TACR3: variants seen among roughly 807,000 people sequenced by gnomAD.
The protein encoded by TACR3 is neuromedin-K receptor.
In TACR3, 34 loss-of-function variants were observed where a neutral mutation model predicts 35.0. The observed-to-expected ratio is 0.97, with a 90% confidence interval of 0.74 to 1.30. The LOEUF is 1.30. Ranked by LOEUF, TACR3 falls within the 50% of genes most tolerant of loss-of-function variation. The probability of loss-of-function intolerance (pLI) is 0.00; values close to 1 mark genes in which losing one functional copy is unlikely to be tolerated. For synonymous variants in TACR3, 233 were observed against 221.1 expected (o/e 1.05, Z -0.48); for missense variants, 558 against 591.7 (o/e 0.94, Z 0.59).
intron 1 of TACR3, among the ~76,000 whole-genome samples, chr4:103,706,791 A>G (rs1232960694): frequency 6.6e-6 from 1 of 152,226 alleles, no homozygotes; most frequent in Admixed American, 6.5e-5. Flanking sequence ...ATGTTTAAGT[A>G]TAAGACTGGG....
chr4:103,598,628 A>G (rs138599125), intron 3 of TACR3, among the ~76,000 whole-genome samples: 75,644 of 151,930 alleles, frequency 0.5, 22,798 homozygotes, highest in Non-Finnish European at 0.64. Flanking sequence ...ATTGATTTTT[A>G]TATAAGGTGT....
chr4:103,667,648 G>T (rs976658835), intron 1 of TACR3, among the ~76,000 whole-genome samples: 8 of 151,958 alleles, frequency 5.3e-5, no homozygotes, highest in Non-Finnish European at 1.2e-4. Flanking sequence ...AAAAATACTA[G>T]TACACTAAAA....
chr4:103,681,961 C>T (rs1390407928), intron 1 of TACR3, among the ~76,000 whole-genome samples: 2 of 152,070 alleles, frequency 1.3e-5, no homozygotes, highest in South Asian at 2.1e-4. Context: ...AGAAAAATTT[C>T]CAAACTTGGA....
chr4:103,620,787 G>A (rs1219164508), intron 3 of TACR3, among the ~76,000 whole-genome samples: 1 of 152,106 alleles, frequency 6.6e-6, no homozygotes, highest in Non-Finnish European at 1.5e-5. Flanking sequence ...TGAGCACTAT[G>A]CTCACACCTG....
chr4:103,589,647 G>T lies in TACR3; in HGVS notation c.*35C>A, dbSNP rs772497467. 1 of 1,610,768 alleles carries T rather than the reference G, an allele frequency of 6.2e-7. No homozygotes were observed. ...TGGGGTCCTAGACTGGCACCATGATGGTCTCACACTAATCTTTTACCTCAG... is the reference window on the plus strand; with the variant it reads ...TGGGGTCCTAGACTGGCACCATGATTGTCTCACACTAATCTTTTACCTCAG... On this transcript the variant is annotated 3_prime_UTR_variant, in exon 5 of 5. Transcript: ENST00000304883.
rs202224331 is a variant in TACR3 at position 103,589,664 on chromosome 4, T to C, written c.*18A>G. 4.3e-5 allele frequency: 70 copies of C among 1,613,454 alleles called. No homozygotes were observed. Among genetic ancestry groups the C allele is most frequent in the Non-Finnish European group, 1.7e-5 (20 of 1,179,634 alleles). On this transcript the variant is annotated 3_prime_UTR_variant, in exon 5 of 5. Transcript: ENST00000304883. The stretch of plus-strand genomic sequence containing the variant: ...ACCATGATGGTCTCACACTAATCTT[T>C]TACCTCAGGAAATGGAATTAAGAAT...
At chr4:103,614,912 T>TTTTTTTTTTTTTTTTTTGG (rs1724606006) in intron 3 of TACR3, among the ~76,000 whole-genome samples, 1 of 132,052 alleles carries the variant, frequency 7.6e-6, no homozygotes, top group East Asian at 2.2e-4. Flanking sequence ...TTTTTTTTTT[T>TTTTTTTTTTTTTTTTTTGG]GAGACAGAGT....
chr4:103,693,428 T>C (rs1193527449), intron 1 of TACR3, among the ~76,000 whole-genome samples: 1 of 152,180 alleles, frequency 6.6e-6, no homozygotes, highest in African/African-American at 2.4e-5. Flanking sequence ...CAAATGGTTG[T>C]TCTGATTTCT....
intron 1 of TACR3, among the ~76,000 whole-genome samples, chr4:103,682,561 C>T (rs1196136989): frequency 6.6e-6 from 1 of 152,124 alleles, no homozygotes; most frequent in Non-Finnish European, 1.5e-5. Context: ...TACCTGGTCC[C>T]TCCCTCGACA....
At chr4:103,631,108 A>G (rs997541561) in intron 3 of TACR3, among the ~76,000 whole-genome samples, 9 of 152,146 alleles carry the variant, frequency 5.9e-5, no homozygotes, top group African/African-American at 2.2e-4. Flanking sequence ...GTTCTCACTC[A>G]TAGGTGGGAA....
In TACR3 at chr4:103,605,925, C is replaced by T. The variant is rs191325532; in HGVS notation, c.889-14242G>A. 6.3e-3 allele frequency among the ~76,000 whole-genome samples: 954 copies of T among 152,174 alleles called. 8 individuals are homozygous for T. The highest frequency in any genetic ancestry group is 0.022 in the African/African-American group (893 of 41,458). The stretch of plus-strand genomic sequence containing the variant: ...ATGCCTATGTACTGAATGGTAATGC[C>T]TAGGTTTTCTTCTAGGGTTTTTATG... On this transcript the variant is annotated intron_variant, in intron 3 of 4. Coordinates refer to ENST00000304883, the MANE Select transcript of TACR3 (RefSeq NM_001059.3).
intron 3 of TACR3, among the ~76,000 whole-genome samples, chr4:103,621,289 C>A (rs17224816): frequency 0.026 from 3,939 of 152,202 alleles, 77 homozygotes; most frequent in Middle Eastern, 0.054. Context: ...CGAATAGTTT[C>A]GCTGAGTGGG....
intron 3 of TACR3, among the ~76,000 whole-genome samples, chr4:103,595,512 C>T (rs567724414): frequency 6.6e-6 from 1 of 152,132 alleles, no homozygotes; most frequent in South Asian, 2.1e-4. Context: ...GATACCATTC[C>T]TTCATGTATC....
chr4:103,703,377 G>C (rs760102625), intron 1 of TACR3, among the ~76,000 whole-genome samples: 31 of 152,148 alleles, frequency 2.0e-4, no homozygotes, highest in Non-Finnish European at 4.0e-4. Flanking sequence ...TTGTGTGAAA[G>C]AATAGCATTT....
rs763892946 is a variant in TACR3 at position 103,719,195 on chromosome 4, G to A, written c.481C>T (p.Gln161Ter). The A allele has an allele frequency of 1.2e-6, 2 of 1,614,172 alleles. No homozygotes were observed. The highest frequency in any genetic ancestry group is 3.3e-5 in the Admixed American group (2 of 60,024). The change falls in exon 1 of 5, where the codon CAG (glutamine) becomes TAG (stop). Residue 161 changes from glutamine to a stop codon, truncating the protein, a stop_gained. Coordinates refer to ENST00000304883, the MANE Select transcript of TACR3 (RefSeq NM_001059.3). LOFTEE classifies it high-confidence loss of function. Reference sequence around the variant, plus strand: ...ACAGCTGTGATAGGAAAGAAGTTCTGGAAGCGGCAGTAGTTGGCGCCAAAG... The same window carrying A: ...ACAGCTGTGATAGGAAAGAAGTTCTAGAAGCGGCAGTAGTTGGCGCCAAAG... ...WYFGANYCRF[Q>*]NFFPITAVFA...
chr4:103,678,632 A>G (rs1379329915), intron 1 of TACR3, among the ~76,000 whole-genome samples: 2 of 152,130 alleles, frequency 1.3e-5, no homozygotes, highest in Admixed American at 6.6e-5. Flanking sequence ...AAATGAAAGC[A>G]TTATTCTAGA....
intron 1 of TACR3, among the ~76,000 whole-genome samples, chr4:103,716,864 T>C (rs1288416279): frequency 1.3e-5 from 2 of 152,214 alleles, no homozygotes; most frequent in African/African-American, 4.8e-5. Flanking sequence ...AATTGTAGTC[T>C]AAATTGGGAA....
chr4:103,627,016 T>TAA (rs1395603794), intron 3 of TACR3, among the ~76,000 whole-genome samples: 1 of 140,168 alleles, frequency 7.1e-6, no homozygotes, highest in African/African-American at 2.8e-5. Context: ...CTGTGAAAAA[T>TAA]AAATAAAAAA....
intron 1 of TACR3, among the ~76,000 whole-genome samples, chr4:103,668,653 G>A (rs1243167866): frequency 6.6e-6 from 1 of 151,974 alleles, no homozygotes; most frequent in Non-Finnish European, 1.5e-5. Flanking sequence ...TTCAAGACCA[G>A]CCTGGCCAAC....
Sources: allele counts gnomAD v4.1 joint callset (sites outside exome capture counted in the v4.1 genomes callset), GRCh38; gene constraint gnomAD v4.1.1; transcripts MANE v1.5; gene names NCBI Gene and HGNC (gene_info 2026-07-23, HGNC 2026-07-21).